The following ILDR1 variants were observed in gnomAD, a reference collection of about 807,000 sequenced individuals.
ILDR1 encodes the protein immunoglobulin like domain containing receptor 1.
Under a neutral mutation model 62.4 loss-of-function variants are expected in ILDR1, and 56 were observed. The observed-to-expected ratio is 0.90, with a 90% CI of 0.72 to 1.12. The LOEUF is 1.12. Ranked by LOEUF, ILDR1 falls within the 50% of genes most tolerant of loss-of-function variation. ILDR1 has a pLI of 0.00. For synonymous variants in ILDR1, 284 were observed against 277.8 expected (o/e 1.02, Z -0.22); for missense variants, 736 against 710.6 (o/e 1.04, Z -0.41).
At chr3:122,014,665 G>T (rs1252837373) in intron 1 of ILDR1, among the ~76,000 whole-genome samples, 1 of 152,056 alleles carries the variant, frequency 6.6e-6, no homozygotes, top group Non-Finnish European at 1.5e-5. Flanking sequence ...TTTTCTATTC[G>T]AATAGATACT....
At chr3:122,061,148 A>G in the ILDR1 span, among the ~76,000 whole-genome samples, 2 of 152,244 alleles carry the variant, frequency 1.3e-5, no homozygotes, top group Admixed American at 1.3e-4. Flanking sequence ...CAATTAGTCA[A>G]TACACGCCAG....
rs746714082 is a variant in ILDR1 at position 122,005,236 on chromosome 3, G to A, written c.379+8C>T. The A allele has an allele frequency of 4.6e-5, 20 of 436,006 alleles. No individual in the cohort carries two copies. The highest frequency in any genetic ancestry group is 6.8e-5 in the Non-Finnish European group (17 of 248,448). The allele number at this position is 436,006 out of a possible 1,614,324, so 27.0% of individuals were successfully genotyped here. A position where few individuals can be genotyped will look rare whatever the true frequency, so the allele number is the denominator to read the frequency against. On this transcript the variant is annotated splice_region_variant and intron_variant, in intron 3 of 7. Transcript: ENST00000344209. ...CCCCAGTTCCCCTGACACCTCCCCC[G>A]CACTCACGGTTCTGGATGGTGATCT...
At chr3:122,011,677 T>TCTCACACACACACACACACACACACACA (rs1553745466) in intron 1 of ILDR1, among the ~76,000 whole-genome samples, 7 of 133,136 alleles carry the variant, frequency 5.3e-5, no homozygotes, top group African/African-American at 8.9e-5. Flanking sequence ...TCTCTCTCTT[T>TCTCACACACACACACACACACACACACA]CACACACACA....
chr3:122,006,890 C>T, intron 2 of ILDR1, 101 bp downstream of exon 2: 3 of 1,294,596 alleles, frequency 2.3e-6, no homozygotes, highest in Non-Finnish European at 2.2e-6. Flanking sequence ...CTTCTCCTCA[C>T]TACCAAGATT....
Position 121,987,912 on chromosome 3 carries a change from TGGG to T in ILDR1, c.*452_*454del. On this transcript the variant is annotated 3_prime_UTR_variant, in exon 8 of 8. Transcript: ENST00000344209. ...CTAACTTTTTTGTTTTTTGGCCTTT[TGGG>T]TTTTTTAGTAATGGGGACTTGCTCT... The T allele has an allele frequency of 4.1e-6, 1 of 246,666 alleles. No individual in the cohort carries two copies. Among genetic ancestry groups the T allele is most frequent in the South Asian group, 5.1e-5 (1 of 19,460 alleles). 15.3% of individuals were successfully genotyped at this position (246,666 alleles called of 1,614,324 possible). A position where few individuals can be genotyped will look rare whatever the true frequency, so the allele number is the denominator to read the frequency against.
At position 122,005,243 on chromosome 3, in the gene ILDR1, C is replaced by T. The variant is rs1304763519; in HGVS notation, c.379+1G>A. 3 of 1,587,398 alleles carry T rather than the reference C, an allele frequency of 1.9e-6. No individual in the cohort carries two copies. The highest frequency in any genetic ancestry group is 1.3e-5 in the African/African-American group (1 of 74,146). ...TCCCCTGACACCTCCCCCGCACTCA[C>T]GGTTCTGGATGGTGATCTTGCGCTG... On this transcript the variant is annotated splice_donor_variant, in intron 3 of 7. Coordinates refer to ENST00000344209, the MANE Select transcript of ILDR1 (RefSeq NM_001199799.2). LOFTEE classifies it high-confidence loss of function.
chr3:122,024,382 A>G (rs2107685238), upstream of ILDR1, among the ~76,000 whole-genome samples: 1 of 152,354 alleles, frequency 6.6e-6, no homozygotes. Flanking sequence ...CAAACATAAT[A>G]GGGAAGATAA....
intron 1 of ILDR1, among the ~76,000 whole-genome samples, chr3:122,018,326 G>T (rs2071805687): frequency 6.7e-6 from 1 of 149,684 alleles, no homozygotes; most frequent in Non-Finnish European, 1.5e-5. Context: ...TCACTCATAA[G>T]TGGGAGTTGA....
the ILDR1 span, among the ~76,000 whole-genome samples, chr3:122,028,053 C>T: frequency 4.0e-5 from 6 of 151,864 alleles, no homozygotes; most frequent in South Asian, 2.1e-4. Context: ...ACTGGCCGGG[C>T]GCGGTGGCTC....
chr3:122,047,517 G>A, the ILDR1 span, among the ~76,000 whole-genome samples: 1 of 152,194 alleles, frequency 6.6e-6, no homozygotes, highest in Non-Finnish European at 1.5e-5. Flanking sequence ...CCCCAGCCTC[G>A]CTGCCGCCTT....
the ILDR1 span, among the ~76,000 whole-genome samples, chr3:122,050,977 C>T: frequency 6.6e-6 from 1 of 152,300 alleles, no homozygotes; most frequent in African/African-American, 2.4e-5. Context: ...TTTTGTCCTT[C>T]AAAGTTTCTG....
At chr3:122,021,527 G>A (rs1376485926) in intron 1 of ILDR1, among the ~76,000 whole-genome samples, 5 of 152,170 alleles carry the variant, frequency 3.3e-5, no homozygotes, top group African/African-American at 4.8e-5. Context: ...ATTGAACATG[G>A]TTAGCCCAGA....
the ILDR1 span, among the ~76,000 whole-genome samples, chr3:122,047,290 C>T: frequency 3.9e-5 from 6 of 152,320 alleles, no homozygotes; most frequent in East Asian, 1.2e-3. Flanking sequence ...AGATCTCCAG[C>T]TGCGTGCTGG....
intron 2 of ILDR1, among the ~76,000 whole-genome samples, chr3:122,005,686 T>C (rs1342220927): frequency 6.6e-6 from 1 of 151,990 alleles, no homozygotes; most frequent in African/African-American, 2.4e-5. Context: ...CTATTCCAAC[T>C]TCCTTTGTCT....
chr3:122,010,407 G>GA lies in ILDR1; in HGVS notation c.59-3247dup, dbSNP rs200277515. ...ATGACTTCCCCACTCAGCTGTAAATGAAAAAAAAATATATATCATTTTAAA... is the reference window on the plus strand; with the variant it reads ...ATGACTTCCCCACTCAGCTGTAAATGAAAAAAAAAATATATATCATTTTAAA... On this transcript the variant is annotated intron_variant, in intron 1 of 7. Transcript: ENST00000344209. 4.4e-4 allele frequency among the ~76,000 whole-genome samples: 67 copies of GA among 151,250 alleles called. 1 individual carries two copies. The East Asian group carries it at 0.012, about 28-fold the overall frequency.
At chr3:122,038,595 T>C in the ILDR1 span, among the ~76,000 whole-genome samples, 1 of 152,116 alleles carries the variant, frequency 6.6e-6, no homozygotes, top group East Asian at 1.9e-4. Flanking sequence ...CAAAAAACTA[T>C]AAGGCACACA....
chr3:122,016,667 A>G (rs1323579383), intron 1 of ILDR1, among the ~76,000 whole-genome samples: 4 of 152,210 alleles, frequency 2.6e-5, no homozygotes, highest in Non-Finnish European at 4.4e-5. Flanking sequence ...TGAATTTCAA[A>G]CAAAGAGCTT....
At chr3:122,030,379 C>T in the ILDR1 span, among the ~76,000 whole-genome samples, 1 of 151,944 alleles carries the variant, frequency 6.6e-6, no homozygotes, top group Admixed American at 6.6e-5. Context: ...AGTATGGAAA[C>T]AGACACAATA....
chr3:122,054,316 G>T, the ILDR1 span, among the ~76,000 whole-genome samples: 7 of 151,692 alleles, frequency 4.6e-5, no homozygotes, highest in African/African-American at 1.7e-4. Flanking sequence ...TCCATTTTAA[G>T]GCTATTTTAA....
Sources: gnomAD v4.1 joint callset for allele counts (sites outside exome capture counted in the v4.1 genomes callset) on GRCh38, gnomAD v4.1.1 for gene constraint, MANE v1.5 for transcripts, NCBI Gene and HGNC (gene_info 2026-07-23, HGNC 2026-07-21) for gene names.